Variants in RTN4 observed in about 807,000 individuals in gnomAD.
RTN4 encodes the protein reticulon-4.
RTN4 carries 32 observed loss-of-function variants against 90.4 expected under a neutral mutation model. That is an observed-to-expected ratio of 0.35 (90% CI 0.27 to 0.48). The LOEUF is 0.48. Ranked by LOEUF, RTN4 falls within the 20% of genes least tolerant of loss-of-function variation. The pLI, the probability that RTN4 is intolerant of heterozygous loss-of-function variation, is 0.99. For missense variants in RTN4, 1,706 were observed against 1,430.2 expected, an observed-to-expected ratio of 1.19 and a Z score of -3.11; for synonymous variants, 629 against 552.5, an observed-to-expected ratio of 1.14 and a Z score of -1.94.
At chr2:55,023,944 T>C (rs958218823) in intron 3 of RTN4, among the ~76,000 whole-genome samples, 13 of 152,296 alleles carry the variant, frequency 8.5e-5, no homozygotes, top group African/African-American at 3.1e-4. Context: ...AATTGGTATC[T>C]GGGGCTTTAA....
chr2:55,029,015 G>T (rs1682111993), intron 1 of RTN4, among the ~76,000 whole-genome samples: 3 of 152,174 alleles, frequency 2.0e-5, no homozygotes, highest in Admixed American at 2.0e-4. Context: ...GATAGTATCT[G>T]AAGATGGGGA....
chr2:55,135,638 CAT>C, the RTN4 span, among the ~76,000 whole-genome samples: 1 of 152,236 alleles, frequency 6.6e-6, no homozygotes, highest in Admixed American at 6.5e-5. Flanking sequence ...TAAGTTTTGA[CAT>C]GTGTATATAC....
upstream of RTN4, among the ~76,000 whole-genome samples, chr2:55,116,514 T>C (rs1329875368): frequency 4.6e-5 from 7 of 152,196 alleles, no homozygotes; most frequent in Non-Finnish European, 8.8e-5. Context: ...ATCAATTATA[T>C]AGGATTCCAG....
In RTN4 at chr2:55,108,358, GA is replaced by G. The variant is rs372147298; in HGVS notation, c.-214+4161del. Among the ~76,000 whole-genome samples, 35 of 152,198 alleles carry G rather than the reference GA, an allele frequency of 2.3e-4. 1 individual carries two copies. The East Asian group carries it at 6.4e-3, about 28-fold the overall frequency. ...GTAGTAATCCCCAAATTCTAAGCTA[GA>G]GAGCATTTAGTTACTTGAGTGCTCA... On this transcript the variant is annotated intron_variant, in intron 1 of 3. Transcript: ENST00000427710.
At chr2:55,016,480 G>C (rs1380919096) in intron 3 of RTN4, among the ~76,000 whole-genome samples, 1 of 152,108 alleles carries the variant, frequency 6.6e-6, no homozygotes, top group Non-Finnish European at 1.5e-5. Context: ...CTACTCGGGA[G>C]GCTGAGGCAC....
At chr2:55,080,797 A>G (rs74462175) in intron 1 of RTN4, among the ~76,000 whole-genome samples, 322 of 152,352 alleles carry the variant, frequency 2.1e-3, no homozygotes, top group African/African-American at 7.3e-3. Context: ...GCACATTTAT[A>G]CATACATAAT....
At chr2:55,104,227 C>CT (rs776727652) in intron 1 of RTN4, among the ~76,000 whole-genome samples, 4 of 146,926 alleles carry the variant, frequency 2.7e-5, no homozygotes, top group African/African-American at 7.6e-5. Flanking sequence ...ATCTTTTTTG[C>CT]TTTTTTTTAA....
At chr2:55,007,729 G>A (rs1680333339) in intron 3 of RTN4, among the ~76,000 whole-genome samples, 2 of 152,100 alleles carry the variant, frequency 1.3e-5, no homozygotes, top group South Asian at 4.1e-4. Context: ...TTTTTAAGAA[G>A]CACTAGATGA....
intron 1 of RTN4, chr2:55,046,734 A>T (rs918916278): frequency 1.3e-5 from 2 of 152,200 alleles, no homozygotes; most frequent in African/African-American, 4.8e-5. Context: ...TAATGAACAA[A>T]CTCTTGAATG....
chr2:55,042,013 T>C (rs2972092), intron 1 of RTN4, among the ~76,000 whole-genome samples: 129,028 of 152,058 alleles, frequency 0.85, 55,134 homozygotes, highest in African/African-American at 0.95. Flanking sequence ...TCTACATACA[T>C]GAGACCAAAA....
chr2:55,087,481 T>C (rs1026094925), intron 1 of RTN4, among the ~76,000 whole-genome samples: 4 of 152,238 alleles, frequency 2.6e-5, no homozygotes, highest in African/African-American at 9.6e-5. Context: ...TACTATATCA[T>C]GCTGAAAATA....
At chr2:55,101,333 C>T (rs757672769) in intron 1 of RTN4, among the ~76,000 whole-genome samples, 2 of 151,902 alleles carry the variant, frequency 1.3e-5, no homozygotes, top group Non-Finnish European at 1.5e-5. Flanking sequence ...GTTGTTGTAA[C>T]TTGTTCAGAA....
chr2:55,095,279 G>T (rs1210215705), intron 1 of RTN4, among the ~76,000 whole-genome samples: 1 of 151,866 alleles, frequency 6.6e-6, no homozygotes, highest in Non-Finnish European at 1.5e-5. Context: ...AGCCGAGATC[G>T]TGCCACTGCA....
chr2:55,055,962 GTATC>G (rs1668183244), intron 2 of RTN4, among the ~76,000 whole-genome samples: 1 of 145,192 alleles, frequency 6.9e-6, no homozygotes, highest in Non-Finnish European at 1.5e-5. Flanking sequence ...ATAGATTTAT[GTATC>G]TATATATACA....
intron 3 of RTN4, among the ~76,000 whole-genome samples, chr2:54,997,622 T>A (rs555004583): frequency 6.6e-6 from 1 of 152,290 alleles, no homozygotes; most frequent in East Asian, 1.9e-4. Flanking sequence ...AAGTGATGAA[T>A]GGATTGTTTT....
At chr2:55,005,282 G>A (rs1266102001) in intron 3 of RTN4, among the ~76,000 whole-genome samples, 1 of 152,074 alleles carries the variant, frequency 6.6e-6, no homozygotes, top group African/African-American at 2.4e-5. Flanking sequence ...ATCAGTTAGG[G>A]GCCCTGGTAA....
the RTN4 span, among the ~76,000 whole-genome samples, chr2:55,131,258 G>C: frequency 6.6e-6 from 1 of 151,882 alleles, no homozygotes; most frequent in African/African-American, 2.4e-5. Context: ...ACCCAGGCTG[G>C]AGTGCAGTGG....
At chr2:55,091,792 T>A (rs1403343480) in intron 1 of RTN4, among the ~76,000 whole-genome samples, 1 of 152,112 alleles carries the variant, frequency 6.6e-6, no homozygotes, top group Admixed American at 6.5e-5. Context: ...TGGGGAGGCC[T>A]CAGAATCATG....
At chr2:55,122,528 G>C in the RTN4 span, among the ~76,000 whole-genome samples, 1 of 152,170 alleles carries the variant, frequency 6.6e-6, no homozygotes, top group African/African-American at 2.4e-5. Context: ...TTTTATCTTT[G>C]AACTTGTGTT....
Sources: allele counts gnomAD v4.1 joint callset (sites outside exome capture counted in the v4.1 genomes callset), GRCh38; gene constraint gnomAD v4.1.1; transcripts MANE v1.5; gene names NCBI Gene and HGNC (gene_info 2026-07-23, HGNC 2026-07-21).